TESK1: variants seen among roughly 807,000 people sequenced by gnomAD.
The protein encoded by TESK1 is testis associated actin remodelling kinase 1.
A neutral mutation model predicts 59.9 loss-of-function variants in TESK1; 18 were observed. The ratio of observed to expected loss-of-function variants is 0.30; its 90% confidence interval spans 0.21 to 0.45. The LOEUF (loss-of-function observed/expected upper bound fraction) is 0.45. Among genes scored for constraint, TESK1 ranks in the 20% least tolerant of loss-of-function variants. The probability of loss-of-function intolerance (pLI) is 1.00; values close to 1 mark genes in which losing one functional copy is unlikely to be tolerated. For missense variants in TESK1, 748 were observed against 840.9 expected, an observed-to-expected ratio of 0.89 and a Z score of 1.37; for synonymous variants, 341 against 357.4, an observed-to-expected ratio of 0.95 and a Z score of 0.52.
At chr9:35,606,392 A>T in intron 3 of TESK1, 107 bp downstream of exon 3, 1 of 1,367,166 alleles carries the variant, frequency 7.3e-7, no homozygotes, top group Non-Finnish European at 1.0e-6. Context: ...AGGCAACAGG[A>T]TCTCCTCTCA....
In TESK1 at chr9:35,606,953, A is replaced by G. The variant is rs1822861731; in HGVS notation, c.507A>G (p.Lys169=). The G allele has an allele frequency of 6.2e-7, 1 of 1,609,250 alleles. No homozygotes were observed. The highest frequency in any genetic ancestry group is 8.5e-7 in the Non-Finnish European group (1 of 1,177,614). ...GAGGCCTGCGGTACCTGCACTCCAAAGGTGTATTTCACCGCGACCTCACAT... is the reference window on the plus strand; with the variant it reads ...GAGGCCTGCGGTACCTGCACTCCAAGGGTGTATTTCACCGCGACCTCACAT... ...IARGLRYLHS[K]GVFHRDLTSK... Residue 169 remains lysine (K), a synonymous_variant, in exon 4 of 10, where the codon AAA becomes AAG. Transcript: ENST00000336395.
chr9:35,605,844 A>G lies in TESK1; in HGVS notation c.219+6A>G, dbSNP rs769024234. ...TCTTCTCTGAGGTCTACAAGGTAGG[A>G]CCGGCCGAGAGGGCAGAGGGGCGGG... On this transcript the variant is annotated splice_donor_region_variant and intron_variant, in intron 1 of 9. Transcript: ENST00000336395. 1.9e-6 allele frequency: 3 copies of G among 1,610,142 alleles called. No individual in the cohort carries two copies. Among genetic ancestry groups the G allele is most frequent in the Non-Finnish European group, 2.5e-6 (3 of 1,178,660 alleles).
chr9:35,609,890 A>G lies in TESK1; in HGVS notation c.*148A>G. 1.0e-6 allele frequency: 1 copy of G among 978,776 alleles called. No individual in the cohort carries two copies. The highest frequency in any genetic ancestry group is 1.6e-5 in the African/African-American group (1 of 60,868). The allele number at this position is 978,776 out of a possible 1,614,324, so 60.6% of individuals were successfully genotyped here. ...GAGCCCCAGCATGGACTCAAGGGAC[A>G]GAGCACTTCCAGTCGACCCCCCGGC... On this transcript the variant is annotated 3_prime_UTR_variant, in exon 10 of 10. Coordinates refer to ENST00000336395, the MANE Select transcript of TESK1 (RefSeq NM_006285.3). The surrounding 1 kb of genome is among the most constrained non-coding windows in gnomAD (Gnocchi z 6.7).
chr9:35,608,903 C>T lies in TESK1; in HGVS notation c.1042C>T (p.Pro348Ser). 6.2e-7 allele frequency: 1 copy of T among 1,609,952 alleles called. No homozygotes were observed. The highest frequency in any genetic ancestry group is 2.2e-5 in the East Asian group (1 of 44,826). The change falls in exon 10 of 10, where the codon CCA (proline) becomes TCA (serine). Residue 348 changes from proline (P) to serine (S), a missense_variant. Transcript: ENST00000336395. ...GGGTCCCTCTGCCACGCTTCCCAGG[C>T]CAGATCCCCGGCTTTCCCGAAGCCG... is the stretch of plus-strand genomic sequence containing the variant. ...RGGPSATLPR[P>S]DPRLSRSRSD... is the part of the protein sequence containing the mutation.
In TESK1 at chr9:35,609,976, G is replaced by A. The variant is rs544805818; in HGVS notation, c.*234G>A. 9 of 488,516 alleles carry A rather than the reference G, an allele frequency of 1.8e-5. No individual in the cohort carries two copies. Among genetic ancestry groups the A allele is most frequent in the East Asian group, 3.4e-5 (1 of 29,790 alleles). The allele number at this position is 488,516 out of a possible 1,614,324, so 30.3% of individuals were successfully genotyped here. ...CATTGCTGACACATGAGACTAACAC[G>A]TGCAATTATTTAAAAAGATTTCAAT... On this transcript the variant is annotated 3_prime_UTR_variant, in exon 10 of 10. Transcript: ENST00000336395. This position sits in a 1 kb window ranked among gnomAD's most constrained non-coding sequence, Gnocchi z 6.7.
At position 35,607,154 on chromosome 9, in the gene TESK1, G is replaced by A; in HGVS notation, c.537+171G>A. The A allele has an allele frequency of 8.1e-7, 1 of 1,231,728 alleles. No homozygotes were observed. The highest frequency in any genetic ancestry group is 1.1e-6 in the Non-Finnish European group (1 of 879,392). 76.3% of individuals were successfully genotyped at this position (1,231,728 alleles called of 1,614,324 possible). On this transcript the variant is annotated intron_variant, in intron 4 of 9. Transcript: ENST00000336395. The surrounding 1 kb of genome is among the most constrained non-coding windows in gnomAD (Gnocchi z 4.5). The stretch of plus-strand genomic sequence containing the variant: ...GGGGAGTGCTCGGAGGGACTGAGTA[G>A]CACCCTGTGTTTGGAGTGTTGGATG...
At chr9:35,608,345 G>A in intron 8 of TESK1, 50 bp from the exon 9 acceptor site, 4 of 1,610,498 alleles carry the variant, frequency 2.5e-6, no homozygotes, top group Non-Finnish European at 3.4e-6. Flanking sequence ...GAAACTCAGA[G>A]ACCCTCTTTC....
In TESK1 at chr9:35,605,991, A is replaced by C; in HGVS notation, c.227A>C (p.His76Pro). Reference protein sequence around the residue: ...GFFSEVYKVRHRQSGQVMVLK... With the variant: ...GFFSEVYKVRPRQSGQVMVLK... ...GGCTGCTCCTGCCCCCAGGTTCGGC[A>C]CCGACAGTCAGGGCAAGTCATGGTG... Residue 76 changes from histidine to proline, a missense_variant, in exon 2 of 10, where the codon CAC becomes CCC. Around this residue, in one of 3 missense-constraint regions of TESK1, gnomAD observed 133 missense variants for 117.4 expected, o/e 1.13. Transcript: ENST00000336395. The C allele has an allele frequency of 6.2e-7, 1 of 1,613,812 alleles. No individual in the cohort carries two copies. Among genetic ancestry groups the C allele is most frequent in the Non-Finnish European group, 8.5e-7 (1 of 1,179,982 alleles).
chr9:35,607,069 A>G lies in TESK1; in HGVS notation c.537+86A>G. 2 of 1,460,194 alleles carry G rather than the reference A, an allele frequency of 1.4e-6. No individual in the cohort carries two copies. Among genetic ancestry groups the G allele is most frequent in the East Asian group, 5.0e-5 (2 of 40,282 alleles). The allele number at this position is 1,460,194 out of a possible 1,614,324, so 90.5% of individuals were successfully genotyped here. On this transcript the variant is annotated intron_variant, in intron 4 of 9. Coordinates refer to ENST00000336395, the MANE Select transcript of TESK1 (RefSeq NM_006285.3). This position sits in a 1 kb window ranked among gnomAD's most constrained non-coding sequence, Gnocchi z 4.5. Reference sequence around the variant, plus strand: ...GCCTGTGGATGTTGGAATATGGATAACAGATATATTAGGATGTTGGAGTGG... The same window carrying G: ...GCCTGTGGATGTTGGAATATGGATAGCAGATATATTAGGATGTTGGAGTGG...
chr9:35,608,280 C>G, intron 8 of TESK1, 31 bp downstream of exon 8: 1 of 1,612,210 alleles, frequency 6.2e-7, no homozygotes, highest in Non-Finnish European at 8.5e-7. Flanking sequence ...CCTGCCCCAC[C>G]CTGCCCCCAT....
rs749907092 is a variant in TESK1, at chr9:35,609,663, C to T, written c.1802C>T (p.Ala601Val). 1.7e-5 allele frequency: 27 copies of T among 1,604,822 alleles called. No individual in the cohort carries two copies. The highest frequency in any genetic ancestry group is 2.2e-5 in the South Asian group (2 of 91,070). Residue 601 changes from alanine (A) to valine (V), a missense_variant, in exon 10 of 10, where the codon GCG becomes GTG. Ala to Val is a moderately conservative substitution (Grantham distance 64, BLOSUM62 0). Coordinates refer to ENST00000336395, the MANE Select transcript of TESK1 (RefSeq NM_006285.3). The surrounding 1 kb of genome is among the most constrained non-coding windows in gnomAD (Gnocchi z 6.7). ...VARYRNLNCE[A>V]GSLLCHRGHH... Reference sequence around the variant, plus strand: ...CGCTACCGCAACCTGAACTGTGAGGCGGGCAGTCTCCTCTGCCACCGAGGG... The same window carrying T: ...CGCTACCGCAACCTGAACTGTGAGGTGGGCAGTCTCCTCTGCCACCGAGGG...
Position 35,607,535 on chromosome 9 carries a change from G to C in TESK1, c.621-47G>C, listed in dbSNP as rs756788964. On this transcript the variant is annotated intron_variant, in intron 5 of 9. Coordinates refer to ENST00000336395, the MANE Select transcript of TESK1 (RefSeq NM_006285.3). The surrounding 1 kb of genome is among the most constrained non-coding windows in gnomAD (Gnocchi z 4.5). ...ACCTCATCCCCTTTTGCCTGGGGGG[G>C]ATGCCTGAATAGGATGCTTCTGACC... The C allele has an allele frequency of 6.3e-7, 1 of 1,584,646 alleles. No homozygotes were observed. The highest frequency in any genetic ancestry group is 8.7e-7 in the Non-Finnish European group (1 of 1,154,012).
chr9:35,606,767 C>T, intron 3 of TESK1, 70 bp from the exon 4 acceptor site: 2 of 1,453,920 alleles, frequency 1.4e-6, no homozygotes, highest in South Asian at 1.3e-5. Flanking sequence ...TGTCCCCTAG[C>T]GTGTAAGTGG....
At position 35,608,191 on chromosome 9, in the gene TESK1, C is replaced by A. The variant is rs778925111; in HGVS notation, c.827C>A (p.Thr276Asn). 6.2e-7 allele frequency: 1 copy of A among 1,614,202 alleles called. No individual in the cohort carries two copies. The highest frequency in any genetic ancestry group is 1.1e-5 in the South Asian group (1 of 91,082). ...GGCCTGGATGTGCCTGCTTTCCGAA[C>A]TCTGGTGGGGGATGACTGCCCACTG... ...DFGLDVPAFR[T>N]LVGDDCPLPF... The change falls in exon 8 of 10, where the codon ACT becomes AAT. Residue 276 changes from threonine (T) to asparagine (N), a missense_variant. By Grantham distance (65) the Thr-to-Asn change is moderately conservative. Around this residue, in one of 3 missense-constraint regions of TESK1, gnomAD observed 168 missense variants for 257.4 expected, o/e 0.65. Coordinates refer to ENST00000336395, the MANE Select transcript of TESK1 (RefSeq NM_006285.3).
At position 35,608,967 on chromosome 9, in the gene TESK1, C is replaced by A. The variant is rs754440579; in HGVS notation, c.1106C>A (p.Pro369His). The part of the protein sequence containing the change: ...LFLPPSPESP[P>H]NWGDNLTRVN... ...CTGCCCCCATCACCAGAATCACCCCCCAACTGGGGGGACAATCTGACTCGA... is the reference window on the plus strand; with the variant it reads ...CTGCCCCCATCACCAGAATCACCCCACAACTGGGGGGACAATCTGACTCGA... The change falls in exon 10 of 10, where the codon CCC (proline) becomes CAC (histidine). Residue 369 changes from proline (P) to histidine (H), a missense_variant. This residue lies in a region of TESK1 where 447 missense variants were observed against 466.1 expected (regional missense o/e 0.96). Coordinates refer to ENST00000336395, the MANE Select transcript of TESK1 (RefSeq NM_006285.3). 1 of 1,614,208 alleles carries A rather than the reference C, an allele frequency of 6.2e-7. No homozygotes were observed. The highest frequency in any genetic ancestry group is 8.5e-7 in the Non-Finnish European group (1 of 1,180,034).
In TESK1 at chr9:35,608,971, C is replaced by G. The variant is rs373820214; in HGVS notation, c.1110C>G (p.Asn370Lys). Reference sequence around the variant, plus strand: ...CCCCATCACCAGAATCACCCCCCAACTGGGGGGACAATCTGACTCGAGTCA... The same window carrying G: ...CCCCATCACCAGAATCACCCCCCAAGTGGGGGGACAATCTGACTCGAGTCA... ...FLPPSPESPP[N>K]WGDNLTRVNP... The change falls in exon 10 of 10, where the codon AAC (asparagine) becomes AAG (lysine). Residue 370 changes from asparagine to lysine, a missense_variant. Physicochemically the swap from Asn to Lys is moderately conservative, Grantham distance 94 (BLOSUM62 0). Coordinates refer to ENST00000336395, the MANE Select transcript of TESK1 (RefSeq NM_006285.3). The G allele has an allele frequency of 6.2e-7, 1 of 1,614,228 alleles. No individual in the cohort carries two copies. The highest frequency in any genetic ancestry group is 1.1e-5 in the South Asian group (1 of 91,088).
chr9:35,608,763 T>C (rs986071503), intron 9 of TESK1, 99 bp from the exon 10 acceptor site: 61 of 1,415,000 alleles, frequency 4.3e-5, no homozygotes, highest in Non-Finnish European at 5.4e-5. Flanking sequence ...ACTCCCTTTT[T>C]CAAGCTCTAG....
rs77717581 is a variant in TESK1, at chr9:35,606,709, G to C, written c.391-128G>C. The C allele has an allele frequency of 1.3e-3, 1,043 of 810,262 alleles. 12 individuals carry two copies. In the East Asian group the frequency reaches 0.025, roughly 19 times the overall value. The allele number at this position is 810,262 out of a possible 1,614,324, so 50.2% of individuals were successfully genotyped here. A position where few individuals can be genotyped will look rare whatever the true frequency, so the allele number is the denominator to read the frequency against. On this transcript the variant is annotated intron_variant, in intron 3 of 9. Coordinates refer to ENST00000336395, the MANE Select transcript of TESK1 (RefSeq NM_006285.3). Reference sequence around the variant, plus strand: ...GCAATCCTAGAACATGGATGGGGGGGGTCCTACAGCACAGTCTTACCCCTA... The same window carrying C: ...GCAATCCTAGAACATGGATGGGGGGCGTCCTACAGCACAGTCTTACCCCTA...
chr9:35,608,100 G>C (rs1005801012), intron 7 of TESK1, 60 bp from the exon 8 acceptor site: 3 of 1,608,380 alleles, frequency 1.9e-6, no homozygotes, highest in Non-Finnish European at 2.6e-6. Context: ...GTTCTGACTG[G>C]GGAGCAGAAG....
Sources: allele counts gnomAD v4.1 joint callset, GRCh38; gene constraint gnomAD v4.1.1; regional missense constraint gnomAD v4.1.1; non-coding constraint Gnocchi (gnomAD v3.1); transcripts MANE v1.5; gene names NCBI Gene and HGNC (gene_info 2026-07-23, HGNC 2026-07-21).